Variants in CNTNAP2 observed in about 807,000 individuals in gnomAD.
CNTNAP2 encodes the protein contactin-associated protein-like 2.
CNTNAP2 carries 98 observed loss-of-function variants against 155.2 expected under a neutral mutation model. That is an observed-to-expected ratio of 0.63 (90% CI 0.54 to 0.75). The LOEUF (loss-of-function observed/expected upper bound fraction) is 0.75, where lower values mean the gene tolerates loss of function less well. Ranked by LOEUF, CNTNAP2 falls within the 30% of genes least tolerant of loss-of-function variation. The pLI, the probability that CNTNAP2 is intolerant of heterozygous loss-of-function variation, is 0.00. For missense variants in CNTNAP2, 1,727 were observed against 1,688.1 expected, an observed-to-expected ratio of 1.02 and a Z score of -0.40; for synonymous variants, 651 against 631.2, an observed-to-expected ratio of 1.03 and a Z score of -0.47.
At chr7:148,294,771 C>T (rs747046293) in intron 21 of CNTNAP2, among the ~76,000 whole-genome samples, 2 of 152,032 alleles carry the variant, frequency 1.3e-5, no homozygotes, top group Admixed American at 6.6e-5. Flanking sequence ...CTTTTCCTTA[C>T]GAACACTAAT....
chr7:147,622,284 G>T (rs1158639050), intron 12 of CNTNAP2, among the ~76,000 whole-genome samples: 1 of 151,904 alleles, frequency 6.6e-6, no homozygotes, highest in Non-Finnish European at 1.5e-5. Flanking sequence ...TAGACTGAAT[G>T]AATTTAACGC....
chr7:147,566,147 C>T (rs1297453527), intron 12 of CNTNAP2, among the ~76,000 whole-genome samples: 1 of 146,988 alleles, frequency 6.8e-6, no homozygotes, highest in Non-Finnish European at 1.5e-5. Flanking sequence ...AAAACAAAAA[C>T]TAGCTGGGCA....
intron 4 of CNTNAP2, among the ~76,000 whole-genome samples, chr7:147,066,191 C>G (rs1799776811): frequency 6.6e-6 from 1 of 152,176 alleles, no homozygotes; most frequent in Non-Finnish European, 1.5e-5. Context: ...CTCAATGACC[C>G]TAACAGTTCT....
rs1563046052 is a variant in CNTNAP2, at chr7:148,331,750, ACGGACGGATGGAT to A, written c.3476-51898_3476-51886del. Among the ~76,000 whole-genome samples, 17 of 3,216 alleles carry A rather than the reference ACGGACGGATGGAT, an allele frequency of 5.3e-3. 1 individual carries two copies. The highest frequency in any genetic ancestry group is 8.9e-3 in the South Asian group (1 of 112). The allele number at this position is 3,216 out of a possible 152,430, so 2.1% of individuals were successfully genotyped here. On this transcript the variant is annotated intron_variant, in intron 21 of 23. Transcript: ENST00000361727. The stretch of plus-strand genomic sequence containing the variant: ...TGGATGGATGGAGTGGATGGATGGA[ACGGACGGATGGAT>A]TGGATGGATGGAATGGACAGATGGA...
chr7:146,848,168 C>T (rs1019864840), intron 3 of CNTNAP2, among the ~76,000 whole-genome samples: 2 of 152,146 alleles, frequency 1.3e-5, no homozygotes, highest in African/African-American at 4.8e-5. Flanking sequence ...TCAGAATCTA[C>T]AGTTTAGGAA....
At chr7:147,219,466 A>G (rs1803346749) in intron 8 of CNTNAP2, among the ~76,000 whole-genome samples, 1 of 152,216 alleles carries the variant, frequency 6.6e-6, no homozygotes, top group Non-Finnish European at 1.5e-5. Context: ...TTCCGAGGGC[A>G]AGAAGCATCC....
chr7:147,652,739 AAG>A lies in CNTNAP2; in HGVS notation c.2098+13437_2098+13438del, dbSNP rs1795466651. 2.0e-5 allele frequency among the ~76,000 whole-genome samples: 3 copies of A among 152,172 alleles called. No homozygotes were observed. The South Asian group carries it at 6.2e-4, about 31-fold the overall frequency. ...AAGGAAGGAAGGGGGGAAGAAAGGA[AAG>A]AGAAAGAAAGGAAGGGAGGGAAAGG... On this transcript the variant is annotated intron_variant, in intron 13 of 23. Transcript: ENST00000361727.
At chr7:147,389,846 CA>C (rs1342677745) in intron 9 of CNTNAP2, among the ~76,000 whole-genome samples, 1 of 152,070 alleles carries the variant, frequency 6.6e-6, no homozygotes, top group African/African-American at 2.4e-5. Flanking sequence ...AAAGATATAA[CA>C]AAAATACGCA....
At chr7:146,479,073 A>T (rs1796922006) in intron 1 of CNTNAP2, among the ~76,000 whole-genome samples, 2 of 152,180 alleles carry the variant, frequency 1.3e-5, no homozygotes, top group South Asian at 4.1e-4. Context: ...GTAGGTGATG[A>T]TAGGATCTGA....
At chr7:147,075,901 G>A (rs1353998832) in intron 4 of CNTNAP2, among the ~76,000 whole-genome samples, 1 of 152,014 alleles carries the variant, frequency 6.6e-6, no homozygotes, top group Non-Finnish European at 1.5e-5. Flanking sequence ...CTGTACCTGC[G>A]ATAGTTTGCT....
chr7:147,980,571 T>C (rs1348921144), intron 15 of CNTNAP2, among the ~76,000 whole-genome samples: 2 of 152,100 alleles, frequency 1.3e-5, no homozygotes, highest in African/African-American at 4.8e-5. Flanking sequence ...ATAAGTATCC[T>C]ACCTGGTACT....
chr7:147,102,997 T>C (rs1203523968), intron 4 of CNTNAP2, among the ~76,000 whole-genome samples: 3 of 152,188 alleles, frequency 2.0e-5, no homozygotes, highest in African/African-American at 4.8e-5. Flanking sequence ...ATATTTGTAG[T>C]TGTAGCACCA....
At chr7:146,196,097 C>T in intron 1 of CNTNAP2, among the ~76,000 whole-genome samples, 1 of 152,124 alleles carries the variant, frequency 6.6e-6, no homozygotes, top group East Asian at 1.9e-4. Flanking sequence ...GCTGTAATAA[C>T]AAGAAGTTTG....
intron 13 of CNTNAP2, among the ~76,000 whole-genome samples, chr7:147,781,980 G>A (rs568507612): frequency 2.0e-5 from 3 of 150,050 alleles, no homozygotes; most frequent in East Asian, 2.0e-4. Context: ...CGGAGACAGC[G>A]CCACTGCACT....
chr7:146,414,022 C>T (rs1313495544), intron 1 of CNTNAP2, among the ~76,000 whole-genome samples: 3 of 152,118 alleles, frequency 2.0e-5, no homozygotes, highest in African/African-American at 7.2e-5. Context: ...ATTATTTCTT[C>T]AGAGAAAAGC....
intron 13 of CNTNAP2, among the ~76,000 whole-genome samples, chr7:147,815,034 G>A (rs929811032): frequency 1.3e-5 from 2 of 152,194 alleles, no homozygotes; most frequent in Admixed American, 1.3e-4. Context: ...GTTGGAGGGA[G>A]AGAGTGGTTC....
intron 1 of CNTNAP2, among the ~76,000 whole-genome samples, chr7:146,150,717 A>G (rs1798024041): frequency 6.6e-6 from 1 of 152,084 alleles, no homozygotes. Context: ...GCCCAACTTT[A>G]GGTAGAAATC....
chr7:146,822,084 A>G (rs1255868122), intron 2 of CNTNAP2, among the ~76,000 whole-genome samples: 3 of 152,346 alleles, frequency 2.0e-5, no homozygotes, highest in Admixed American at 1.3e-4. Flanking sequence ...AATGTCCAGC[A>G]ACGATAGACT....
At chr7:147,886,577 A>G (rs1563123926) in intron 13 of CNTNAP2, among the ~76,000 whole-genome samples, 1 of 147,746 alleles carries the variant, frequency 6.8e-6, no homozygotes, top group Non-Finnish European at 1.5e-5. Flanking sequence ...CCAAGTTGCT[A>G]TGTCAGAGGG....
Sources: gnomAD v4.1 joint callset for allele counts (sites outside exome capture counted in the v4.1 genomes callset) on GRCh38, gnomAD v4.1.1 for gene constraint, MANE v1.5 for transcripts, NCBI Gene and HGNC (gene_info 2026-07-23, HGNC 2026-07-21) for gene names.